Variants in MSTO1 observed in about 807,000 individuals in gnomAD.
MSTO1 encodes the protein protein misato homolog 1.
A neutral mutation model predicts 55.7 loss-of-function variants in MSTO1; 24 were observed. That is an observed-to-expected ratio of 0.43 (90% CI 0.31 to 0.61). The LOEUF (loss-of-function observed/expected upper bound fraction) is 0.61, where lower values mean the gene tolerates loss of function less well. MSTO1 is among the 20% of genes least tolerant of loss of function. MSTO1 has a pLI of 0.09. For missense variants in MSTO1, 363 were observed against 625.7 expected (o/e 0.58, Z 4.48); for synonymous variants, 162 against 252.8 (o/e 0.64, Z 3.41).
At chr1:155,609,907 A>T (rs1384370137), upstream of MSTO1, 2 of 319,828 alleles carry the variant, frequency 6.3e-6, no homozygotes, top group African/African-American at 4.4e-5. Flanking sequence ...GAGAAGGGAT[A>T]AGACCTCAAG....
At chr1:155,606,692 C>CT (rs899148911), upstream of MSTO1, among the ~76,000 whole-genome samples, 41 of 150,564 alleles carry the variant, frequency 2.7e-4, no homozygotes, top group African/African-American at 9.0e-4. Context: ...CGTACCCAGC[C>CT]TTTTTTTTTG....
At chr1:155,613,936 A>C in intron 13 of MSTO1, 123 bp from the exon 14 acceptor site, 1 of 1,020,542 alleles carries the variant, frequency 9.8e-7, no homozygotes, top group South Asian at 1.7e-5. Context: ...TAAGGGGACA[A>C]TACACCAAAT....
chr1:155,608,459 C>A (rs1673023180), upstream of MSTO1, among the ~76,000 whole-genome samples: 1 of 151,480 alleles, frequency 6.6e-6, no homozygotes. Context: ...GGAATACAGG[C>A]GTGAGCCTCT....
chr1:155,574,462 A>G, the MSTO1 span, among the ~76,000 whole-genome samples: 10 of 151,682 alleles, frequency 6.6e-5, no homozygotes, highest in African/African-American at 1.2e-4. Flanking sequence ...CTATAGTTGT[A>G]TATATATATA....
chr1:155,609,992 C>T (rs368403606), upstream of MSTO1: 7 of 507,748 alleles, frequency 1.4e-5, no homozygotes, highest in African/African-American at 8.0e-5. Context: ...GCGCCCACCC[C>T]GCTCCAACGT....
the MSTO1 span, among the ~76,000 whole-genome samples, chr1:155,570,114 A>G: frequency 6.6e-6 from 1 of 152,224 alleles, no homozygotes; most frequent in African/African-American, 2.4e-5. Context: ...AATTCATTTC[A>G]ATACCTCAGT....
At chr1:155,581,344 A>G in the MSTO1 span, among the ~76,000 whole-genome samples, 1 of 152,180 alleles carries the variant, frequency 6.6e-6, no homozygotes, top group Non-Finnish European at 1.5e-5. Context: ...ATAATGGGGA[A>G]AAGCTCAGAA....
the MSTO1 span, among the ~76,000 whole-genome samples, chr1:155,594,173 G>A: frequency 3.3e-5 from 5 of 151,914 alleles, no homozygotes; most frequent in East Asian, 7.7e-4. Flanking sequence ...AGACCGAGGC[G>A]GGTGGATCAC....
the MSTO1 span, among the ~76,000 whole-genome samples, chr1:155,579,181 C>T: frequency 6.6e-6 from 1 of 151,714 alleles, no homozygotes; most frequent in African/African-American, 2.4e-5. Flanking sequence ...GACATGGTGG[C>T]GCATGCAGGC....
chr1:155,575,801 TTTATTTATTTATTTATTTA>T, the MSTO1 span, among the ~76,000 whole-genome samples: 2 of 132,558 alleles, frequency 1.5e-5, no homozygotes, highest in East Asian at 5.0e-4. Context: ...TTTATTTTTA[TTTATTTATTTATTTATTTA>T]TTTATTTATT....
At chr1:155,590,976 C>A in the MSTO1 span, 1 of 1,613,956 alleles carries the variant, frequency 6.2e-7, no homozygotes, top group Non-Finnish European at 8.5e-7. Context: ...CAAGGTAGAC[C>A]AGCAAGCCGA....
At chr1:155,582,277 GT>G in the MSTO1 span, among the ~76,000 whole-genome samples, 11 of 152,288 alleles carry the variant, frequency 7.2e-5, no homozygotes, top group African/African-American at 2.6e-4. Flanking sequence ...CTGCAGAGAA[GT>G]GTTCAAATGA....
chr1:155,571,959 T>A, the MSTO1 span, among the ~76,000 whole-genome samples: 1 of 151,946 alleles, frequency 6.6e-6, no homozygotes, highest in Admixed American at 6.6e-5. Context: ...GGAGAATCAT[T>A]TGAACCCAGG....
the MSTO1 span, among the ~76,000 whole-genome samples, chr1:155,573,653 C>T: frequency 6.6e-5 from 10 of 151,918 alleles, no homozygotes; most frequent in African/African-American, 2.4e-4. Flanking sequence ...GCCTGGCCAA[C>T]ATGGTGAAAC....
At chr1:155,564,578 A>G in the MSTO1 span, among the ~76,000 whole-genome samples, 1 of 152,218 alleles carries the variant, frequency 6.6e-6, no homozygotes, top group African/African-American at 2.4e-5. Flanking sequence ...GGATACGTGG[A>G]TTAAGTGTTG....
At chr1:155,581,766 A>T in the MSTO1 span, among the ~76,000 whole-genome samples, 1 of 151,362 alleles carries the variant, frequency 6.6e-6, no homozygotes, top group African/African-American at 2.4e-5. Context: ...TAGGCTGGAG[A>T]TAATTATCAT....
chr1:155,570,391 G>A, the MSTO1 span, among the ~76,000 whole-genome samples: 8 of 152,244 alleles, frequency 5.3e-5, no homozygotes, highest in African/African-American at 1.7e-4. Flanking sequence ...CACGCTGTAC[G>A]TGCTCCCATT....
At chr1:155,573,704 G>A in the MSTO1 span, among the ~76,000 whole-genome samples, 1 of 152,014 alleles carries the variant, frequency 6.6e-6, no homozygotes, top group African/African-American at 2.4e-5. Flanking sequence ...TGGGCGTGGT[G>A]GCAGGTGCCT....
chr1:155,611,952 G>A (rs1558262141), intron 6 of MSTO1, 31 bp from the exon 7 acceptor site: 2 of 812,106 alleles, frequency 2.5e-6, no homozygotes, highest in Non-Finnish European at 3.8e-6. Flanking sequence ...GGGAAGAGAT[G>A]TAAGTCTTGG....
Sources: allele counts gnomAD v4.1 joint callset (sites outside exome capture counted in the v4.1 genomes callset), GRCh38; gene constraint gnomAD v4.1.1; transcripts MANE v1.5; gene names NCBI Gene and HGNC (gene_info 2026-07-23, HGNC 2026-07-21).